NKAIN3: variants seen among roughly 807,000 people sequenced by gnomAD.
NKAIN3 encodes the protein sodium/potassium transporting ATPase interacting 3.
Under a neutral mutation model 30.2 loss-of-function variants are expected in NKAIN3, and 25 were observed. That is an observed-to-expected ratio of 0.83 (90% CI 0.60 to 1.16). The LOEUF (loss-of-function observed/expected upper bound fraction) is 1.16. Among genes scored for constraint, NKAIN3 ranks in the 50% most tolerant of loss-of-function variants. The pLI, the probability that NKAIN3 is intolerant of heterozygous loss-of-function variation, is 0.00. For synonymous variants in NKAIN3, 91 were observed against 89.6 expected, an observed-to-expected ratio of 1.02 and a Z score of -0.09; for missense variants, 225 against 254.1, an observed-to-expected ratio of 0.89 and a Z score of 0.78.
At chr8:62,802,848 G>A (rs1375870949) in intron 4 of NKAIN3, among the ~76,000 whole-genome samples, 1 of 152,158 alleles carries the variant, frequency 6.6e-6, no homozygotes, top group Non-Finnish European at 1.5e-5. Context: ...AGACCCATCA[G>A]TGTGCTGTAT....
chr8:62,917,716 C>T (rs1004510417), intron 4 of NKAIN3, among the ~76,000 whole-genome samples: 2 of 152,108 alleles, frequency 1.3e-5, no homozygotes, highest in African/African-American at 2.4e-5. Context: ...TATTGAAGTG[C>T]TTATAGTAAG....
chr8:62,839,958 A>C (rs758282013), intron 4 of NKAIN3, among the ~76,000 whole-genome samples: 8 of 152,116 alleles, frequency 5.3e-5, no homozygotes, highest in Non-Finnish European at 1.2e-4. Flanking sequence ...CAAGAATCAT[A>C]CATTAGTTCT....
At chr8:62,357,580 T>A (rs558789018) in intron 1 of NKAIN3, among the ~76,000 whole-genome samples, 1 of 152,122 alleles carries the variant, frequency 6.6e-6, no homozygotes, top group African/African-American at 2.4e-5. Flanking sequence ...TAAATGAAAT[T>A]TTTTTTGTTT....
intron 3 of NKAIN3, among the ~76,000 whole-genome samples, chr8:62,669,454 A>C (rs1366256821): frequency 6.6e-6 from 1 of 152,182 alleles, no homozygotes; most frequent in Admixed American, 6.5e-5. Flanking sequence ...ATGGTCACTC[A>C]TATTTGGCTC....
At chr8:62,604,569 A>G (rs186187036) in intron 3 of NKAIN3, among the ~76,000 whole-genome samples, 339 of 152,282 alleles carry the variant, frequency 2.2e-3, no homozygotes, top group African/African-American at 7.5e-3. Flanking sequence ...GTAACACATA[A>G]TTCTACTTTA....
At chr8:62,891,861 C>G (rs1017669) in intron 4 of NKAIN3, among the ~76,000 whole-genome samples, 2 of 152,066 alleles carry the variant, frequency 1.3e-5, no homozygotes, top group Non-Finnish European at 1.5e-5. Context: ...GCCTTCCCCC[C>G]GCTTTCTCTT....
At chr8:62,947,559 GAGTTGCTGTTCTTGCCTCTT>G (rs1823160635) in intron 5 of NKAIN3, among the ~76,000 whole-genome samples, 1 of 152,218 alleles carries the variant, frequency 6.6e-6, no homozygotes, top group African/African-American at 2.4e-5. Flanking sequence ...AAGAAGTGGG[GAGTTGCTGTTCTTGCCTCTT>G]AAGCCCAGGC....
In NKAIN3 at chr8:62,523,704, G is replaced by T. The variant is rs142641667; in HGVS notation, c.55-55835G>T. On this transcript the variant is annotated intron_variant, in intron 1 of 6. Coordinates refer to ENST00000623646, the MANE Select transcript of NKAIN3 (RefSeq NM_001304533.3). ...GGGCCCTCCAAGGTACCTCAGTGGG[G>T]CATCTCTGGATTTCTTATGACCATG... 4.6e-5 allele frequency among the ~76,000 whole-genome samples: 7 copies of T among 152,198 alleles called. No homozygotes were observed. The East Asian group carries it at 1.4e-3, about 29-fold the overall frequency.
chr8:62,893,547 A>ACAC (rs551361559), intron 4 of NKAIN3, among the ~76,000 whole-genome samples: 4 of 152,202 alleles, frequency 2.6e-5, no homozygotes, highest in Non-Finnish European at 5.9e-5. Context: ...TAGACTAAGG[A>ACAC]CACCAGTGTG....
intron 3 of NKAIN3, among the ~76,000 whole-genome samples, chr8:62,713,641 T>C (rs1224326594): frequency 2.0e-5 from 3 of 152,192 alleles, no homozygotes; most frequent in Non-Finnish European, 4.4e-5. Context: ...ATTCAATTAG[T>C]AAAAAAGTCC....
At position 62,379,061 on chromosome 8, in the gene NKAIN3, A is replaced by G. The variant is rs143660211; in HGVS notation, c.54+129934A>G. Among the ~76,000 whole-genome samples the G allele has an allele frequency of 3.0e-4, 46 of 152,332 alleles. 1 individual carries two copies. The highest frequency in any genetic ancestry group is 1.0e-3 in the South Asian group (5 of 4,830). ...AAGGCTGTGGGAACCTACCTTTTGCATCAGTGTGACATGGTTGTGAGACTT... is the reference window on the plus strand; with the variant it reads ...AAGGCTGTGGGAACCTACCTTTTGCGTCAGTGTGACATGGTTGTGAGACTT... On this transcript the variant is annotated intron_variant, in intron 1 of 6. Transcript: ENST00000623646.
intron 1 of NKAIN3, among the ~76,000 whole-genome samples, chr8:62,468,696 T>C (rs1298449600): frequency 6.6e-6 from 1 of 152,234 alleles, no homozygotes; most frequent in Non-Finnish European, 1.5e-5. Context: ...TGTAATTTAA[T>C]TTTAATAAAT....
At chr8:62,367,417 G>A (rs932597966) in intron 1 of NKAIN3, among the ~76,000 whole-genome samples, 2 of 152,104 alleles carry the variant, frequency 1.3e-5, no homozygotes, top group African/African-American at 4.8e-5. Context: ...GGTTCAATAT[G>A]TGCAAATCAA....
intron 3 of NKAIN3, among the ~76,000 whole-genome samples, chr8:62,713,473 T>C (rs938459359): frequency 2.0e-5 from 3 of 152,218 alleles, no homozygotes; most frequent in Non-Finnish European, 4.4e-5. Flanking sequence ...AAAATCTATA[T>C]TGCAAAAAGT....
intron 3 of NKAIN3, among the ~76,000 whole-genome samples, chr8:62,685,081 G>A (rs940104454): frequency 2.0e-5 from 3 of 152,176 alleles, no homozygotes; most frequent in Non-Finnish European, 2.9e-5. Flanking sequence ...AGAAGACAGT[G>A]TTGCCAAGTT....
rs376542382 is a variant in NKAIN3 at position 62,306,163 on chromosome 8, T to C, written c.54+57036T>C. Reference sequence around the variant, plus strand: ...TTAATTCAATTCTGCTTGTACTTTATCTTAGTATTTACTTCCTCTTTAAGT... The same window carrying C: ...TTAATTCAATTCTGCTTGTACTTTACCTTAGTATTTACTTCCTCTTTAAGT... On this transcript the variant is annotated intron_variant, in intron 1 of 6. Coordinates refer to ENST00000623646, the MANE Select transcript of NKAIN3 (RefSeq NM_001304533.3). 1.9e-3 allele frequency among the ~76,000 whole-genome samples: 291 copies of C among 150,614 alleles called. 25 individuals are homozygous for C. The highest frequency in any genetic ancestry group is 6.9e-3 in the African/African-American group (278 of 40,012).
At chr8:62,535,265 A>G (rs1808621029) in intron 1 of NKAIN3, among the ~76,000 whole-genome samples, 1 of 152,126 alleles carries the variant, frequency 6.6e-6, no homozygotes, top group Non-Finnish European at 1.5e-5. Context: ...TGTGTTTTCT[A>G]TTCTCACACT....
chr8:62,641,505 A>G (rs558723236), intron 3 of NKAIN3, among the ~76,000 whole-genome samples: 3 of 152,272 alleles, frequency 2.0e-5, no homozygotes, highest in Admixed American at 6.5e-5. Context: ...TTTGTAGCAC[A>G]TTTGCTTTTT....
chr8:62,547,059 A>G (rs16929139), intron 1 of NKAIN3, among the ~76,000 whole-genome samples: 6,740 of 152,288 alleles, frequency 0.044, 496 homozygotes, highest in African/African-American at 0.15. Context: ...AGATGGATTG[A>G]AAGACTCACT....
Sources: gnomAD v4.1 joint callset for allele counts (sites outside exome capture counted in the v4.1 genomes callset) on GRCh38, gnomAD v4.1.1 for gene constraint, MANE v1.5 for transcripts, NCBI Gene and HGNC (gene_info 2026-07-23, HGNC 2026-07-21) for gene names.